The following CDK5RAP2 variants were observed in gnomAD, a reference collection of about 807,000 sequenced individuals.
CDK5RAP2 encodes the protein CDK5 regulatory subunit-associated protein 2.
A neutral mutation model predicts 232.9 loss-of-function variants in CDK5RAP2; 147 were observed. The observed-to-expected ratio is 0.63, with a 90% CI of 0.55 to 0.72. The LOEUF is 0.72. CDK5RAP2 is among the 30% of genes least tolerant of loss of function. The pLI is 0.00. For missense variants in CDK5RAP2, 2,195 were observed against 2,231.5 expected (o/e 0.98, Z 0.33); for synonymous variants, 833 against 833.7 (o/e 1.00, Z 0.01).
intron 12 of CDK5RAP2, among the ~76,000 whole-genome samples, chr9:120,497,726 A>C (rs906378011): frequency 6.6e-6 from 1 of 152,118 alleles, no homozygotes; most frequent in Non-Finnish European, 1.5e-5. Flanking sequence ...CCTCAATCTA[A>C]TCATGAGAGT....
At chr9:120,460,523 G>T in intron 19 of CDK5RAP2, 49 bp downstream of exon 19, 1 of 1,551,770 alleles carries the variant, frequency 6.4e-7, no homozygotes, top group African/African-American at 1.4e-5. Context: ...GACTGATTTG[G>T]ACATAGAGTG....
intron 3 of CDK5RAP2, among the ~76,000 whole-genome samples, chr9:120,553,602 G>A (rs1353812243): frequency 6.6e-6 from 1 of 152,124 alleles, no homozygotes; most frequent in Non-Finnish European, 1.5e-5. Context: ...ATAGTGCTTG[G>A]AATGAGCCAC....
chr9:120,545,754 G>T lies in CDK5RAP2; in HGVS notation c.343C>A (p.Arg115=). The T allele has an allele frequency of 6.2e-7, 1 of 1,613,744 alleles. No homozygotes were observed. The highest frequency in any genetic ancestry group is 1.3e-5 in the African/African-American group (1 of 74,976). ...ELKVEVESLK[R]ELQEREQLLI... is the part of the protein sequence containing the mutation. ...AGCTGCTCTCTCTCCTGGAGTTCCC[G>T]CTTCAGACTTTCTACTTCCACCTTG... Residue 115 remains arginine (R), a synonymous_variant, in exon 5 of 38, where the codon CGG becomes AGG. Transcript: ENST00000349780.
At chr9:120,520,565 C>A (rs1446188306) in intron 11 of CDK5RAP2, among the ~76,000 whole-genome samples, 1 of 152,122 alleles carries the variant, frequency 6.6e-6, no homozygotes, top group Non-Finnish European at 1.5e-5. Context: ...ATTGCTTGAA[C>A]CCAGGAGGCA....
chr9:120,493,296 C>T (rs1349822132), intron 12 of CDK5RAP2, among the ~76,000 whole-genome samples: 1 of 152,150 alleles, frequency 6.6e-6, no homozygotes, highest in Admixed American at 6.5e-5. Flanking sequence ...TGTTAAGCCA[C>T]CAAGTTTGTG....
At chr9:120,535,807 T>C (rs62577998) in intron 7 of CDK5RAP2, among the ~76,000 whole-genome samples, 6,389 of 152,300 alleles carry the variant, frequency 0.042, 199 homozygotes, top group Middle Eastern at 0.088. Context: ...AAGAGCTCTG[T>C]ATTTGGTCTA....
Position 120,445,467 on chromosome 9 carries a change from C to T in CDK5RAP2, c.3026-1725G>A, listed in dbSNP as rs141657419. On this transcript the variant is annotated intron_variant, in intron 22 of 37. Transcript: ENST00000349780. Reference sequence around the variant, plus strand: ...CCTCAGGGCTGTCCATGCTTGCTGTCTCCAATCTCTCTCCTCCATTCTCTC... The same window carrying T: ...CCTCAGGGCTGTCCATGCTTGCTGTTTCCAATCTCTCTCCTCCATTCTCTC... 2.7e-4 allele frequency among the ~76,000 whole-genome samples: 41 copies of T among 152,294 alleles called. No individual in the cohort carries two copies. The East Asian group carries it at 7.9e-3, about 29-fold the overall frequency.
At chr9:120,486,824 A>AGAT (rs2038634063) in intron 14 of CDK5RAP2, among the ~76,000 whole-genome samples, 1 of 152,204 alleles carries the variant, frequency 6.6e-6, no homozygotes, top group African/African-American at 2.4e-5. Flanking sequence ...CAGTCCAGGC[A>AGAT]GATGGAACTA....
intron 25 of CDK5RAP2, among the ~76,000 whole-genome samples, chr9:120,426,889 T>C (rs895816186): frequency 6.6e-6 from 1 of 152,210 alleles, no homozygotes; most frequent in Non-Finnish European, 1.5e-5. Flanking sequence ...ATCTCTATTT[T>C]AGTGTTAATA....
intron 1 of CDK5RAP2, 151 bp downstream of exon 1, chr9:120,579,769 G>GC (rs1419840374): frequency 4.2e-5 from 27 of 642,548 alleles, no homozygotes; most frequent in South Asian, 2.6e-4. Flanking sequence ...CAGGTGGTGG[G>GC]CCCCCCAGAG....
chr9:120,446,155 A>G (rs764727564), intron 22 of CDK5RAP2, among the ~76,000 whole-genome samples: 2 of 152,204 alleles, frequency 1.3e-5, no homozygotes, highest in African/African-American at 2.4e-5. Context: ...GCAAACAGAG[A>G]CAATATGCAA....
intron 28 of CDK5RAP2, among the ~76,000 whole-genome samples, chr9:120,411,963 C>T (rs2131324343): frequency 6.7e-6 from 1 of 148,674 alleles, no homozygotes. Flanking sequence ...TTCTCTTCCA[C>T]TGCCCAGTCA....
At chr9:120,496,644 G>A (rs2039269656) in intron 12 of CDK5RAP2, among the ~76,000 whole-genome samples, 1 of 146,448 alleles carries the variant, frequency 6.8e-6, no homozygotes, top group African/African-American at 2.6e-5. Flanking sequence ...TGGGAAGTGA[G>A]GAGCCCCTCT....
At chr9:120,462,024 T>C (rs1329740407) in intron 18 of CDK5RAP2, among the ~76,000 whole-genome samples, 3 of 152,208 alleles carry the variant, frequency 2.0e-5, no homozygotes, top group Admixed American at 2.0e-4. Flanking sequence ...TGTTTTTCCT[T>C]TCAGAGGAAC....
intron 25 of CDK5RAP2, among the ~76,000 whole-genome samples, chr9:120,430,949 C>T (rs1215284461): frequency 6.6e-6 from 1 of 152,190 alleles, no homozygotes; most frequent in Non-Finnish European, 1.5e-5. Context: ...ATGATGAGTT[C>T]ATGTCCTTTG....
rs1284619640 is a variant in CDK5RAP2 at position 120,401,017 on chromosome 9, CAT to C, written c.5308-134_5308-133del. The C allele has an allele frequency of 8.3e-6, 7 of 846,868 alleles. No individual in the cohort carries two copies. The African/African-American group carries it at 1.2e-4, about 14-fold the overall frequency. 52.5% of individuals were successfully genotyped at this position (846,868 alleles called of 1,614,324 possible). ...CACGCTGAGCGAAAGCCTGGTACCA[CAT>C]AACACCAATTTATTGTTCTTAAAGA... On this transcript the variant is annotated intron_variant, in intron 34 of 37. Coordinates refer to ENST00000349780, the MANE Select transcript of CDK5RAP2 (RefSeq NM_018249.6).
intron 5 of CDK5RAP2, among the ~76,000 whole-genome samples, chr9:120,540,052 C>T (rs1193978694): frequency 3.9e-5 from 6 of 152,180 alleles, no homozygotes; most frequent in African/African-American, 1.4e-4. Flanking sequence ...CACAAGCAGC[C>T]CATACTCCGT....
intron 6 of CDK5RAP2, among the ~76,000 whole-genome samples, chr9:120,536,801 G>C (rs1006340057): frequency 6.6e-6 from 1 of 152,082 alleles, no homozygotes; most frequent in African/African-American, 2.4e-5. Flanking sequence ...AATATTTACA[G>C]CTTCAAGAAG....
At chr9:120,532,835 C>T (rs887645042) in intron 7 of CDK5RAP2, among the ~76,000 whole-genome samples, 2 of 152,322 alleles carry the variant, frequency 1.3e-5, no homozygotes, top group Middle Eastern at 3.4e-3. Flanking sequence ...TTTAGCAAAG[C>T]TCTGATCCGA....
Sources: allele counts gnomAD v4.1 joint callset (sites outside exome capture counted in the v4.1 genomes callset), GRCh38; gene constraint gnomAD v4.1.1; transcripts MANE v1.5; gene names NCBI Gene and HGNC (gene_info 2026-07-23, HGNC 2026-07-21).